Variants in NAA11 observed in about 807,000 individuals in gnomAD.
NAA11 encodes the protein N-alpha-acetyltransferase 11, NatA catalytic subunit.
A neutral mutation model predicts 16.1 loss-of-function variants in NAA11; 15 were observed. The ratio of observed to expected loss-of-function variants is 0.93; its 90% CI spans 0.62 to 1.44. The LOEUF (loss-of-function observed/expected upper bound fraction) is 1.44, where lower values mean the gene tolerates loss of function less well. Ranked by LOEUF, NAA11 falls within the 40% of genes most tolerant of loss-of-function variation. The pLI, the probability that NAA11 is intolerant of heterozygous loss-of-function variation, is 0.00. For missense variants in NAA11, 298 were observed against 291.3 expected (o/e 1.02, Z -0.17); for synonymous variants, 122 against 112.4 (o/e 1.09, Z -0.54).
the NAA11 span, among the ~76,000 whole-genome samples, chr4:79,176,151 T>C: frequency 2.8e-4 from 43 of 152,256 alleles, no homozygotes; most frequent in African/African-American, 9.1e-4. Flanking sequence ...GTTTCATAAA[T>C]AAATAAGAAC....
rs2110021187 is a variant in NAA11 at position 79,325,634 on chromosome 4, G to A, written c.244C>T (p.Arg82Trp). ...AGCTTCTGGGCCAGGCCGAGGCGCCGGTGTGAACGCTTCACGGCCAGTGAG... is the reference window on the plus strand; with the variant it reads ...AGCTTCTGGGCCAGGCCGAGGCGCCAGTGTGAACGCTTCACGGCCAGTGAG... ...ITSLAVKRSH[R>W]RLGLAQKLMD... Residue 82 changes from arginine (R) to tryptophan (W), a missense_variant, in exon 1 of 2, where the codon CGG becomes TGG. Transcript: ENST00000286794. 2 of 1,614,096 alleles carry A rather than the reference G, an allele frequency of 1.2e-6. No individual in the cohort carries two copies. Among genetic ancestry groups the A allele is most frequent in the Non-Finnish European group, 1.7e-6 (2 of 1,179,948 alleles).
chr4:79,291,512 G>A (rs1723084751), intron 2 of NAA11, among the ~76,000 whole-genome samples: 1 of 151,944 alleles, frequency 6.6e-6, no homozygotes, highest in African/African-American at 2.4e-5. Flanking sequence ...CTCACCTGAG[G>A]TTAGGTGTTC....
the NAA11 span, among the ~76,000 whole-genome samples, chr4:79,206,383 C>A: frequency 1.3e-5 from 2 of 152,034 alleles, no homozygotes; most frequent in Non-Finnish European, 2.9e-5. Context: ...CTTTCCCCCC[C>A]ATCTAATTAA....
chr4:79,186,599 G>C, the NAA11 span, among the ~76,000 whole-genome samples: 2 of 152,150 alleles, frequency 1.3e-5, no homozygotes, highest in Non-Finnish European at 2.9e-5. Flanking sequence ...TTCAAGCACT[G>C]AGCTGGAGAA....
chr4:79,204,535 T>TTCCCTTCCTCCCTCCG, the NAA11 span, among the ~76,000 whole-genome samples: 4 of 135,442 alleles, frequency 3.0e-5, no homozygotes, highest in African/African-American at 1.1e-4. Context: ...TCCTCCCTCC[T>TTCCCTTCCTCCCTCCG]TCCCTTCCTC....
chr4:79,318,288 C>A (rs748700534), intron 1 of NAA11, among the ~76,000 whole-genome samples: 1 of 152,136 alleles, frequency 6.6e-6, no homozygotes, highest in South Asian at 2.1e-4. Flanking sequence ...GAGGCCTGGA[C>A]AGGAAACCAA....
intron 2 of NAA11, among the ~76,000 whole-genome samples, chr4:79,280,771 T>C (rs1188778352): frequency 1.3e-5 from 2 of 151,984 alleles, no homozygotes; most frequent in African/African-American, 4.8e-5. Flanking sequence ...TAATTAATAT[T>C]AACAGAAATA....
the NAA11 span, among the ~76,000 whole-genome samples, chr4:79,187,928 G>A: frequency 1.3e-5 from 2 of 149,930 alleles, no homozygotes; most frequent in Admixed American, 6.6e-5. Flanking sequence ...GAACCCGGGA[G>A]GCGGAGCTTG....
At chr4:79,161,551 A>G in the NAA11 span, among the ~76,000 whole-genome samples, 1 of 152,198 alleles carries the variant, frequency 6.6e-6, no homozygotes, top group African/African-American at 2.4e-5. Flanking sequence ...GTCAATATCC[A>G]CAAAACAGGA....
intron 2 of NAA11, among the ~76,000 whole-genome samples, chr4:79,267,386 T>TA (rs1365464727): frequency 1.3e-5 from 2 of 152,198 alleles, no homozygotes; most frequent in African/African-American, 4.8e-5. Flanking sequence ...AGTACAATTC[T>TA]AAAAAAGTGG....
At chr4:79,187,963 C>T in the NAA11 span, among the ~76,000 whole-genome samples, 2 of 126,128 alleles carry the variant, frequency 1.6e-5, no homozygotes, top group East Asian at 2.4e-4. Flanking sequence ...CGCGCCACTG[C>T]ACTCCAGCCT....
At chr4:79,260,965 C>A (rs2109973986) in intron 2 of NAA11, among the ~76,000 whole-genome samples, 1 of 152,260 alleles carries the variant, frequency 6.6e-6, no homozygotes, top group African/African-American at 2.4e-5. Context: ...AATTGTAAAT[C>A]CCCTTTGGCC....
chr4:79,240,123 T>C (rs576605958), intron 2 of NAA11, among the ~76,000 whole-genome samples: 2 of 152,242 alleles, frequency 1.3e-5, no homozygotes, highest in African/African-American at 4.8e-5. Flanking sequence ...TTCCCACCTT[T>C]AATGCTTCTG....
At chr4:79,242,810 C>T (rs1721725767) in intron 2 of NAA11, among the ~76,000 whole-genome samples, 1 of 152,192 alleles carries the variant, frequency 6.6e-6, no homozygotes, top group Admixed American at 6.5e-5. Context: ...ATGCAGTAGA[C>T]CTATTGGCTA....
chr4:79,304,438 A>G (rs1723503540), intron 1 of NAA11, among the ~76,000 whole-genome samples: 2 of 152,242 alleles, frequency 1.3e-5, no homozygotes, highest in South Asian at 2.1e-4. Context: ...TGAACCAAAA[A>G]TAATTATCCC....
chr4:79,295,691 G>T (rs1723202375), intron 1 of NAA11, among the ~76,000 whole-genome samples: 1 of 152,262 alleles, frequency 6.6e-6, no homozygotes, highest in South Asian at 2.1e-4. Context: ...TAAATGGGTA[G>T]TATAAATAAT....
At chr4:79,156,509 A>G in the NAA11 span, among the ~76,000 whole-genome samples, 16 of 152,184 alleles carry the variant, frequency 1.1e-4, no homozygotes, top group African/African-American at 3.9e-4. Flanking sequence ...TACAGGCACA[A>G]TTAATTCTCC....
At chr4:79,163,912 A>G in the NAA11 span, among the ~76,000 whole-genome samples, 10 of 152,248 alleles carry the variant, frequency 6.6e-5, no homozygotes, top group African/African-American at 1.9e-4. Context: ...TAGTTTTATG[A>G]AGTTCTCAAA....
At chr4:79,239,763 T>C (rs1423927625) in intron 2 of NAA11, among the ~76,000 whole-genome samples, 2 of 152,176 alleles carry the variant, frequency 1.3e-5, no homozygotes, top group Non-Finnish European at 2.9e-5. Flanking sequence ...GATATTTGTT[T>C]TCTATATTAA....
Sources: allele counts gnomAD v4.1 joint callset (sites outside exome capture counted in the v4.1 genomes callset), GRCh38; gene constraint gnomAD v4.1.1; transcripts MANE v1.5; gene names NCBI Gene and HGNC (gene_info 2026-07-23, HGNC 2026-07-21).